The following CCDC83 variants were observed in gnomAD, a reference collection of about 807,000 sequenced individuals.
CCDC83 encodes coiled-coil domain-containing protein 83.
A neutral mutation model predicts 50.1 loss-of-function variants in CCDC83; 54 were observed. That is an observed-to-expected ratio of 1.08 (90% CI 0.87 to 1.35). The LOEUF (loss-of-function observed/expected upper bound fraction) is 1.35, where lower values mean the gene tolerates loss of function less well. Ranked by LOEUF, CCDC83 falls within the 40% of genes most tolerant of loss-of-function variation. The pLI is 0.00. For synonymous variants in CCDC83, 161 were observed against 153.3 expected (o/e 1.05, Z -0.37); for missense variants, 518 against 473.9 (o/e 1.09, Z -0.86).
At chr11:85,910,937 C>T (rs960313486) in intron 7 of CCDC83, among the ~76,000 whole-genome samples, 11 of 151,866 alleles carry the variant, frequency 7.2e-5, no homozygotes, top group Non-Finnish European at 2.9e-5. Flanking sequence ...TTTGGGAGGC[C>T]GAGGCAGGCA....
At chr11:85,903,023 G>A (rs916637394) in intron 7 of CCDC83, among the ~76,000 whole-genome samples, 2 of 152,146 alleles carry the variant, frequency 1.3e-5, no homozygotes, top group Admixed American at 6.5e-5. Context: ...CTTGAGGTCA[G>A]GAGTTAGAGA....
intron 1 of CCDC83, among the ~76,000 whole-genome samples, chr11:85,856,477 ATG>A (rs902738010): frequency 7.9e-5 from 12 of 152,316 alleles, no homozygotes; most frequent in African/African-American, 2.9e-4. Context: ...TGGGAAAAAA[ATG>A]TAGTTCTGGT....
chr11:85,902,026 G>C (rs1210443195), intron 7 of CCDC83, among the ~76,000 whole-genome samples: 7 of 151,068 alleles, frequency 4.6e-5, no homozygotes, highest in Non-Finnish European at 8.9e-5. Flanking sequence ...CTGTCTCAAA[G>C]AAAGAAAAAA....
intron 6 of CCDC83, among the ~76,000 whole-genome samples, chr11:85,896,397 T>A (rs1308224407): frequency 2.1e-5 from 2 of 94,492 alleles, no homozygotes; most frequent in Non-Finnish European, 3.9e-5. Context: ...TGAGACCTTG[T>A]CTCAAAAAAA....
intron 1 of CCDC83, among the ~76,000 whole-genome samples, chr11:85,857,534 G>C (rs932982702): frequency 1.6e-4 from 24 of 152,184 alleles, no homozygotes; most frequent in African/African-American, 5.8e-4. Flanking sequence ...TCGGGGATGT[G>C]AGGCATCTTC....
intron 7 of CCDC83, among the ~76,000 whole-genome samples, chr11:85,908,908 T>G (rs2093439138): frequency 1.3e-5 from 2 of 152,030 alleles, no homozygotes; most frequent in South Asian, 4.2e-4. Context: ...GAGCAAGCCC[T>G]GTCTCATGTT....
intron 5 of CCDC83, among the ~76,000 whole-genome samples, chr11:85,894,005 C>T (rs2093361452): frequency 6.6e-6 from 1 of 151,966 alleles, no homozygotes; most frequent in African/African-American, 2.4e-5. Context: ...TCAGGGCTCC[C>T]ACTGATTCTA....
At chr11:85,917,837 A>G (rs2093489625) in intron 10 of CCDC83, 1 of 152,176 alleles carries the variant, frequency 6.6e-6, no homozygotes, top group Non-Finnish European at 1.5e-5. Flanking sequence ...TGTCATGATG[A>G]TCTCAGGCTA....
intron 3 of CCDC83, among the ~76,000 whole-genome samples, chr11:85,875,364 G>C (rs964020195): frequency 2.0e-5 from 3 of 152,206 alleles, no homozygotes; most frequent in Non-Finnish European, 4.4e-5. Context: ...ACTGGGGACC[G>C]GCCCCATCTG....
intron 1 of CCDC83, among the ~76,000 whole-genome samples, chr11:85,861,456 A>T (rs564890334): frequency 8.5e-4 from 129 of 152,308 alleles, no homozygotes; most frequent in Non-Finnish European, 1.4e-3. Context: ...CTAGCACCCA[A>T]ATAGAGATCT....
At chr11:85,860,042 A>G (rs1255601994) in intron 1 of CCDC83, among the ~76,000 whole-genome samples, 1 of 152,196 alleles carries the variant, frequency 6.6e-6, no homozygotes, top group Non-Finnish European at 1.5e-5. Flanking sequence ...TAATCCCAGC[A>G]CTTTGGGAGG....
chr11:85,917,083 C>A (rs1211024544), intron 10 of CCDC83, among the ~76,000 whole-genome samples: 3 of 145,788 alleles, frequency 2.1e-5, no homozygotes, highest in Non-Finnish European at 4.5e-5. Flanking sequence ...TGCACTCCAG[C>A]CTGGGTGACA....
Position 85,873,278 on chromosome 11 carries a change from C to CA in CCDC83, c.168dup (p.Tyr57IlefsTer3). 1 of 1,479,872 alleles carries CA rather than the reference C, an allele frequency of 6.8e-7. No homozygotes were observed. The highest frequency in any genetic ancestry group is 9.2e-7 in the Non-Finnish European group (1 of 1,082,030). The allele number at this position is 1,479,872 out of a possible 1,614,324, so 91.7% of individuals were successfully genotyped here. On this transcript the variant is annotated frameshift_variant, in exon 3 of 11. Transcript: ENST00000342404. LOFTEE classifies it high-confidence loss of function. ...AATAAAGACACTTAGGAAAAAGAACCAAAAATATCATGAAAGAGTGAGTAT... is the reference window on the plus strand; with the variant it reads ...AATAAAGACACTTAGGAAAAAGAACCAAAAAATATCATGAAAGAGTGAGTAT...
intron 3 of CCDC83, among the ~76,000 whole-genome samples, chr11:85,878,413 T>G (rs2135019964): frequency 1.3e-5 from 2 of 152,346 alleles, no homozygotes; most frequent in Middle Eastern, 3.4e-3. Flanking sequence ...TCAGGAATGT[T>G]ATACAAATGG....
chr11:85,912,675 C>G, intron 8 of CCDC83: 1 of 1,611,018 alleles, frequency 6.2e-7, no homozygotes, highest in African/African-American at 1.3e-5. Flanking sequence ...TCCTGTCCCA[C>G]CTCTAATCCT....
At chr11:85,875,900 AGTTCAC>A (rs2093266659) in intron 3 of CCDC83, among the ~76,000 whole-genome samples, 1 of 152,164 alleles carries the variant, frequency 6.6e-6, no homozygotes, top group African/African-American at 2.4e-5. Flanking sequence ...GATGTTCCGT[AGTTCAC>A]TCTGTCTACT....
intron 4 of CCDC83, among the ~76,000 whole-genome samples, chr11:85,884,002 A>G (rs968739457): frequency 6.6e-6 from 1 of 152,142 alleles, no homozygotes; most frequent in African/African-American, 2.4e-5. Flanking sequence ...TTCTGCTTAT[A>G]TTTGGAAGGA....
At chr11:85,904,444 C>T (rs2093416295) in intron 7 of CCDC83, among the ~76,000 whole-genome samples, 1 of 152,160 alleles carries the variant, frequency 6.6e-6, no homozygotes, top group Non-Finnish European at 1.5e-5. Context: ...CCCAATCTAC[C>T]CTTCTACTTG....
At position 85,911,936 on chromosome 11, in the gene CCDC83, TTA is replaced by T. The variant is rs576756612; in HGVS notation, c.794+538_794+539del. Among the ~76,000 whole-genome samples the T allele has an allele frequency of 1.6e-4, 24 of 152,326 alleles. 1 individual carries two copies. The South Asian group carries it at 5.0e-3, about 32-fold the overall frequency. Reference sequence around the variant, plus strand: ...AAGAAACCAAGTGGTGCATATACCTTTATATGTTTGGTTAGCTGTCTTCCTTA... The same window carrying T: ...AAGAAACCAAGTGGTGCATATACCTTTATGTTTGGTTAGCTGTCTTCCTTA... On this transcript the variant is annotated intron_variant, in intron 8 of 10. Coordinates refer to ENST00000342404, the MANE Select transcript of CCDC83 (RefSeq NM_001286159.2).
Sources: gnomAD v4.1 joint callset for allele counts (sites outside exome capture counted in the v4.1 genomes callset) on GRCh38, gnomAD v4.1.1 for gene constraint, MANE v1.5 for transcripts, NCBI Gene and HGNC (gene_info 2026-07-23, HGNC 2026-07-21) for gene names.